Variants in RBFOX1 observed in about 807,000 individuals in gnomAD.
RBFOX1 encodes the protein RNA binding protein fox-1 homolog 1.
RBFOX1 carries 8 observed loss-of-function variants against 57.7 expected under a neutral mutation model. That is an observed-to-expected ratio of 0.14 (90% CI 0.08 to 0.25). The LOEUF is 0.25. RBFOX1 is among the 10% of genes least tolerant of loss of function. The pLI is 1.00. For missense variants in RBFOX1, 611 were observed against 548.5 expected, an observed-to-expected ratio of 1.11 and a Z score of -1.14; for synonymous variants, 326 against 222.4, an observed-to-expected ratio of 1.47 and a Z score of -4.15.
intron 12 of RBFOX1, among the ~76,000 whole-genome samples, chr16:7,658,950 C>A (rs1461924718): frequency 2.0e-5 from 3 of 152,194 alleles, no homozygotes; most frequent in African/African-American, 7.2e-5. Context: ...CTCTCAAACT[C>A]CTGACCTCAA....
At chr16:6,822,546 T>A (rs1016911320) in intron 3 of RBFOX1, among the ~76,000 whole-genome samples, 1 of 152,186 alleles carries the variant, frequency 6.6e-6, no homozygotes, top group African/African-American at 2.4e-5. Context: ...AGATAAAACA[T>A]GTCTTGCCGT....
chr16:5,847,497 C>T lies in RBFOX1; in HGVS notation c.319-19806C>T, dbSNP rs546926711. 5.3e-5 allele frequency among the ~76,000 whole-genome samples: 8 copies of T among 152,196 alleles called. No homozygotes were observed. The South Asian group carries it at 8.3e-4, about 16-fold the overall frequency. On this transcript the variant is annotated intron_variant, in intron 3 of 19. Coordinates refer to the RBFOX1 transcript ENST00000641259. ...CTTCAGTGCCATTTGCAAAGAAAAA[C>T]GAGGTGGACATTAGTTTTCAGGGTC...
intron 3 of RBFOX1, among the ~76,000 whole-genome samples, chr16:6,677,730 C>T (rs1030009807): frequency 1.3e-5 from 2 of 152,148 alleles, no homozygotes; most frequent in African/African-American, 4.8e-5. Context: ...TCTTTTGTAA[C>T]TTTAAAGATA....
At chr16:7,453,960 C>T (rs2057950619) in intron 4 of RBFOX1, among the ~76,000 whole-genome samples, 1 of 152,196 alleles carries the variant, frequency 6.6e-6, no homozygotes, top group Non-Finnish European at 1.5e-5. Context: ...CAGCTGGGCA[C>T]AATGGCTCAT....
intron 4 of RBFOX1, among the ~76,000 whole-genome samples, chr16:6,000,807 G>A (rs1167134682): frequency 2.7e-5 from 4 of 149,386 alleles, no homozygotes; most frequent in Non-Finnish European, 5.9e-5. Flanking sequence ...ATGGTTAGGT[G>A]GGTGGATGAG....
At chr16:6,531,558 T>C (rs1229506052) in intron 2 of RBFOX1, among the ~76,000 whole-genome samples, 2 of 152,142 alleles carry the variant, frequency 1.3e-5, no homozygotes, top group Non-Finnish European at 2.9e-5. Flanking sequence ...TTTTGGAAAA[T>C]ACCTATTGTT....
intron 2 of RBFOX1, among the ~76,000 whole-genome samples, chr16:6,441,074 A>G (rs922235527): frequency 3.9e-5 from 6 of 152,156 alleles, no homozygotes; most frequent in African/African-American, 7.2e-5. Flanking sequence ...AAGAGTGATG[A>G]CCAGAGTCAT....
intron 3 of RBFOX1, among the ~76,000 whole-genome samples, chr16:5,712,264 C>G (rs893957178): frequency 2.0e-5 from 3 of 152,202 alleles, no homozygotes; most frequent in Non-Finnish European, 4.4e-5. Context: ...GGACACGAAG[C>G]CAAACCATAT....
intron 3 of RBFOX1, among the ~76,000 whole-genome samples, chr16:5,727,431 G>GTAT (rs1194619849): frequency 6.6e-6 from 1 of 152,198 alleles, no homozygotes; most frequent in East Asian, 1.9e-4. Context: ...TATATACTGT[G>GTAT]AAACGCTCAC....
At chr16:5,671,106 G>A (rs964013702) in intron 3 of RBFOX1, among the ~76,000 whole-genome samples, 22 of 152,338 alleles carry the variant, frequency 1.4e-4, no homozygotes, top group East Asian at 1.9e-4. Context: ...CCATTAGAAA[G>A]CACAAATTAG....
intron 1 of RBFOX1, among the ~76,000 whole-genome samples, chr16:6,295,445 A>G (rs934288241): frequency 3.3e-5 from 5 of 152,240 alleles, no homozygotes; most frequent in South Asian, 4.1e-4. Flanking sequence ...TCTTTATAGT[A>G]GAGGTTTGTA....
intron 1 of RBFOX1, among the ~76,000 whole-genome samples, chr16:6,196,682 T>C (rs965712448): frequency 6.6e-6 from 1 of 152,164 alleles, no homozygotes; most frequent in Non-Finnish European, 1.5e-5. Flanking sequence ...TGTCAGCTTG[T>C]TATTTGTGCT....
At chr16:6,736,812 T>TCATA (rs1216061429) in intron 3 of RBFOX1, among the ~76,000 whole-genome samples, 3 of 152,178 alleles carry the variant, frequency 2.0e-5, no homozygotes, top group Non-Finnish European at 4.4e-5. Flanking sequence ...AATGCTGTAT[T>TCATA]CATACATCTG....
chr16:6,478,866 C>T (rs1438660663), intron 2 of RBFOX1, among the ~76,000 whole-genome samples: 2 of 152,054 alleles, frequency 1.3e-5, no homozygotes, highest in African/African-American at 2.4e-5. Context: ...AAACATTGCT[C>T]ATCACAGATC....
At chr16:7,233,321 G>T (rs928504522) in intron 4 of RBFOX1, among the ~76,000 whole-genome samples, 1 of 151,012 alleles carries the variant, frequency 6.6e-6, no homozygotes, top group Admixed American at 6.6e-5. Context: ...CTATTTAAAA[G>T]AATTATCCCA....
At chr16:5,397,186 C>T (rs1231332807) in intron 1 of RBFOX1, among the ~76,000 whole-genome samples, 1 of 152,226 alleles carries the variant, frequency 6.6e-6, no homozygotes, top group East Asian at 1.9e-4. Flanking sequence ...GGAGGTGACT[C>T]TCCAATCCCT....
rs71145245 is a variant in RBFOX1, at chr16:6,542,483, C to CTTTTTTTTTTTTTTTTT, written c.-63-112112_-63-112096dup. Among the ~76,000 whole-genome samples the CTTTTTTTTTTTTTTTTT allele has an allele frequency of 4.7e-4, 26 of 55,718 alleles. 4 individuals carry two copies. Among genetic ancestry groups the CTTTTTTTTTTTTTTTTT allele is most frequent in the Non-Finnish European group, 6.7e-4 (22 of 32,836 alleles). The allele number at this position is 55,718 out of a possible 152,430, so 36.6% of individuals were successfully genotyped here. On this transcript the variant is annotated intron_variant, in intron 2 of 15. Transcript: ENST00000550418. ...CCACTGCCCTGTGTGGGACCATAGTCTTTTTTTTTTTTTTTTTTTTTTTTG... is the reference window on the plus strand; with the variant it reads ...CCACTGCCCTGTGTGGGACCATAGTCTTTTTTTTTTTTTTTTTTTTTTTTTTTTTTTTTTTTTTTTTG...
chr16:6,051,884 T>G (rs1315781226), intron 1 of RBFOX1, among the ~76,000 whole-genome samples: 1 of 152,108 alleles, frequency 6.6e-6, no homozygotes, highest in Non-Finnish European at 1.5e-5. Context: ...CTTTTATTTA[T>G]CTTTCTTCCT....
chr16:7,587,244 C>T lies in RBFOX1; in HGVS notation c.415-3C>T. The stretch of plus-strand genomic sequence containing the variant: ...CTTATAAGATATTTCTATTTCTTTG[C>T]AGCAATTTGGTAAAATCTTAGATGT... On this transcript the variant is annotated splice_region_variant and splice_polypyrimidine_tract_variant and intron_variant, in intron 6 of 15. Transcript: ENST00000550418. 1 of 1,567,590 alleles carries T rather than the reference C, an allele frequency of 6.4e-7. No individual in the cohort carries two copies. The highest frequency in any genetic ancestry group is 8.6e-7 in the Non-Finnish European group (1 of 1,156,274).
Sources: allele counts gnomAD v4.1 joint callset (sites outside exome capture counted in the v4.1 genomes callset), GRCh38; gene constraint gnomAD v4.1.1; transcripts MANE v1.5; gene names NCBI Gene and HGNC (gene_info 2026-07-23, HGNC 2026-07-21).